Variants in NBEA observed in about 807,000 individuals in gnomAD.
NBEA encodes the protein lysosomal-trafficking regulator 2.
In NBEA, 44 loss-of-function variants were observed where a neutral mutation model predicts 343.4. The ratio of observed to expected loss-of-function variants is 0.13; its 90% confidence interval spans 0.10 to 0.16. NBEA has a LOEUF of 0.16. NBEA is among the 10% of genes least tolerant of loss of function. The probability of loss-of-function intolerance (pLI) is 1.00; values close to 1 mark genes in which losing one functional copy is unlikely to be tolerated. For synonymous variants in NBEA, 1,175 were observed against 1,238.7 expected (o/e 0.95, Z 1.08); for missense variants, 2,555 against 3,631.3 (o/e 0.70, Z 7.62).
intron 31 of NBEA, among the ~76,000 whole-genome samples, chr13:35,205,695 T>C (rs565609219): frequency 1.3e-5 from 2 of 152,186 alleles, no homozygotes; most frequent in Non-Finnish European, 2.9e-5. Context: ...TTTGCTGATA[T>C]AGACCCAGAC....
At chr13:35,219,419 G>A (rs1463681998) in intron 33 of NBEA, among the ~76,000 whole-genome samples, 1 of 152,090 alleles carries the variant, frequency 6.6e-6, no homozygotes, top group Non-Finnish European at 1.5e-5. Flanking sequence ...CAGATTGCTG[G>A]ATACCTAATT....
At chr13:35,145,588 TC>T (rs1006408808) in intron 18 of NBEA, among the ~76,000 whole-genome samples, 1 of 152,174 alleles carries the variant, frequency 6.6e-6, no homozygotes, top group African/African-American at 2.4e-5. Context: ...GTGATGGCTA[TC>T]CCTAAAGCCC....
chr13:35,514,693 A>G (rs1024187589), intron 41 of NBEA, among the ~76,000 whole-genome samples: 1 of 152,242 alleles, frequency 6.6e-6, no homozygotes, highest in Non-Finnish European at 1.5e-5. Flanking sequence ...AAGAAAAATT[A>G]ACATTAGTGC....
At position 35,308,550 on chromosome 13, in the gene NBEA, G is replaced by GTA. The variant is rs1296458101; in HGVS notation, c.5839-972_5839-971dup. Among the ~76,000 whole-genome samples, 16 of 106,596 alleles carry GTA rather than the reference G, an allele frequency of 1.5e-4. 1 individual carries two copies. In the South Asian group the frequency reaches 2.5e-3, roughly 17 times the overall value. 69.9% of individuals were successfully genotyped at this position (106,596 alleles called of 152,430 possible). A position where few individuals can be genotyped will look rare whatever the true frequency, so the allele number is the denominator to read the frequency against. Reference sequence around the variant, plus strand: ...TATATATGTATATATGTATATATATGTATATATGTATATATGTATATATAT... The same window carrying GTA: ...TATATATGTATATATGTATATATATGTATATATATGTATATATGTATATATAT... On this transcript the variant is annotated intron_variant, in intron 35 of 58. Transcript: ENST00000379939.
At chr13:35,340,106 T>C (rs2039501809) in intron 36 of NBEA, among the ~76,000 whole-genome samples, 1 of 152,152 alleles carries the variant, frequency 6.6e-6, no homozygotes, top group Non-Finnish European at 1.5e-5. Flanking sequence ...TGCCGTATTA[T>C]CCAGCTATTC....
intron 38 of NBEA, among the ~76,000 whole-genome samples, chr13:35,356,276 C>T (rs493112): frequency 0.26 from 39,915 of 151,974 alleles, 6,337 homozygotes; most frequent in African/African-American, 0.45. Context: ...AACAGGTGTT[C>T]ACAAATCCAG....
At chr13:35,542,835 T>A (rs148970355) in intron 41 of NBEA, among the ~76,000 whole-genome samples, 18 of 152,216 alleles carry the variant, frequency 1.2e-4, no homozygotes, top group African/African-American at 3.4e-4. Flanking sequence ...TGATTACTAT[T>A]ATCATCTGTT....
chr13:35,179,464 T>C (rs2071153265), intron 28 of NBEA, among the ~76,000 whole-genome samples: 1 of 151,286 alleles, frequency 6.6e-6, no homozygotes. Flanking sequence ...AGCCTCTATG[T>C]ATACTGAGCT....
intron 55 of NBEA, among the ~76,000 whole-genome samples, chr13:35,661,633 G>A (rs1320702187): frequency 2.6e-5 from 4 of 152,008 alleles, no homozygotes; most frequent in African/African-American, 9.7e-5. Flanking sequence ...GAGGAGTTGG[G>A]GTCTTGATAA....
intron 10 of NBEA, among the ~76,000 whole-genome samples, chr13:35,072,786 C>G (rs747371929): frequency 6.6e-6 from 1 of 152,086 alleles, no homozygotes; most frequent in East Asian, 1.9e-4. Flanking sequence ...TGATCTTGAA[C>G]TCCTGACCTC....
intron 44 of NBEA, among the ~76,000 whole-genome samples, chr13:35,565,425 CA>C (rs2080088188): frequency 6.6e-6 from 1 of 151,744 alleles, no homozygotes; most frequent in South Asian, 2.1e-4. Context: ...GCTGTAAGAG[CA>C]GATATCATTT....
intron 34 of NBEA, among the ~76,000 whole-genome samples, chr13:35,258,011 A>T (rs1039465217): frequency 1.3e-5 from 2 of 152,042 alleles, no homozygotes; most frequent in Non-Finnish European, 2.9e-5. Flanking sequence ...TATTATTTTT[A>T]TTTGTAATGA....
At chr13:35,640,876 C>G (rs2083913114) in intron 49 of NBEA, among the ~76,000 whole-genome samples, 1 of 151,518 alleles carries the variant, frequency 6.6e-6, no homozygotes, top group Non-Finnish European at 1.5e-5. Context: ...CTACAAAATT[C>G]CATGTTTTAG....
intron 49 of NBEA, among the ~76,000 whole-genome samples, chr13:35,630,424 T>G (rs1400656309): frequency 6.6e-6 from 1 of 152,152 alleles, no homozygotes; most frequent in Admixed American, 6.5e-5. Flanking sequence ...TTCTGTTGAA[T>G]GGGAATGATT....
At chr13:35,168,965 G>C (rs375775096) in intron 24 of NBEA, 22 bp from the exon 25 acceptor site, 207 of 1,442,662 alleles carry the variant, frequency 1.4e-4, no homozygotes, top group Non-Finnish European at 3.3e-5. Flanking sequence ...TCTGTTGTCT[G>C]TTTTGTCTAA....
chr13:35,356,440 T>C (rs1442395564), intron 38 of NBEA, among the ~76,000 whole-genome samples: 1 of 152,198 alleles, frequency 6.6e-6, no homozygotes, highest in Non-Finnish European at 1.5e-5. Flanking sequence ...TCAACTTCTA[T>C]ATATTATACA....
At chr13:35,613,606 G>C (rs1328423532) in intron 48 of NBEA, among the ~76,000 whole-genome samples, 1 of 142,388 alleles carries the variant, frequency 7.0e-6, no homozygotes, top group African/African-American at 2.7e-5. Flanking sequence ...ATTTTTAGTT[G>C]TTTTTGTTTG....
At chr13:35,585,346 ATATTATGCAGATAGAGCATCC>A (rs1247446140) in intron 46 of NBEA, among the ~76,000 whole-genome samples, 2 of 152,024 alleles carry the variant, frequency 1.3e-5, no homozygotes, top group African/African-American at 4.8e-5. Context: ...GGGAGGTCAC[ATATTATGCAGATAGAGCATCC>A]CATTTTTTAC....
intron 18 of NBEA, among the ~76,000 whole-genome samples, chr13:35,146,375 G>C (rs767250837): frequency 2.0e-5 from 3 of 152,138 alleles, no homozygotes; most frequent in African/African-American, 7.2e-5. Context: ...ACTTGCCCCT[G>C]TATCAATTAA....
Sources: gnomAD v4.1 joint callset for allele counts (sites outside exome capture counted in the v4.1 genomes callset) on GRCh38, gnomAD v4.1.1 for gene constraint, MANE v1.5 for transcripts, NCBI Gene and HGNC (gene_info 2026-07-23, HGNC 2026-07-21) for gene names.